The following TMEM229B variants were observed in gnomAD, a reference collection of about 807,000 sequenced individuals.
TMEM229B encodes transmembrane protein 229B, also known as chromosome 14 open reading frame 83.
A neutral mutation model predicts 13.7 loss-of-function variants in TMEM229B; 6 were observed. That is an observed-to-expected ratio of 0.44 (90% CI 0.24 to 0.86). The LOEUF (loss-of-function observed/expected upper bound fraction) is 0.86. TMEM229B is among the 40% of genes least tolerant of loss of function. The pLI is 0.23. For synonymous variants in TMEM229B, 107 were observed against 102.1 expected, an observed-to-expected ratio of 1.05 and a Z score of -0.29; for missense variants, 170 against 236.0, an observed-to-expected ratio of 0.72 and a Z score of 1.83.
At position 67,473,265 on chromosome 14, in the gene TMEM229B, G is replaced by A; in HGVS notation, c.*155C>T. 3 of 1,020,246 alleles carry A rather than the reference G, an allele frequency of 2.9e-6. No individual in the cohort carries two copies. The South Asian group carries it at 4.9e-5, about 17-fold the overall frequency. The allele number at this position is 1,020,246 out of a possible 1,614,324, so 63.2% of individuals were successfully genotyped here. On this transcript the variant is annotated 3_prime_UTR_variant, in exon 3 of 3. Coordinates refer to ENST00000554480, the MANE Select transcript of TMEM229B (RefSeq NM_001348543.2). This position sits in a 1 kb window ranked among gnomAD's most constrained non-coding sequence, Gnocchi z 6.5. ...CACCTGACCACGGCCCCCCAACACC[G>A]GCCCCCGCGGACGTTAGGGGGCTCT...
At position 67,473,248 on chromosome 14, in the gene TMEM229B, C is replaced by T. The variant is rs2030889131; in HGVS notation, c.*172G>A. ...CACACCCCATCCCCCAACACCTGAC[C>T]ACGGCCCCCCAACACCGGCCCCCGC... On this transcript the variant is annotated 3_prime_UTR_variant, in exon 3 of 3. Coordinates refer to ENST00000554480, the MANE Select transcript of TMEM229B (RefSeq NM_001348543.2). The surrounding 1 kb of genome is among the most constrained non-coding windows in gnomAD (Gnocchi z 6.5). 1.2e-6 allele frequency: 1 copy of T among 852,572 alleles called. No individual in the cohort carries two copies. Among genetic ancestry groups the T allele is most frequent in the Non-Finnish European group, 1.8e-6 (1 of 563,948 alleles). The allele number at this position is 852,572 out of a possible 1,614,324, so 52.8% of individuals were successfully genotyped here.
At chr14:67,502,833 T>C (rs11622608) in intron 1 of TMEM229B, among the ~76,000 whole-genome samples, 110,727 of 152,036 alleles carry the variant, frequency 0.73, 42,149 homozygotes, top group Non-Finnish European at 0.85. Context: ...ACCAACCAAC[T>C]TTATTAAATA....
chr14:67,512,938 C>A (rs1189127939), intron 1 of TMEM229B, among the ~76,000 whole-genome samples: 1 of 152,172 alleles, frequency 6.6e-6, no homozygotes, highest in Non-Finnish European at 1.5e-5. Flanking sequence ...GTAATTTGGT[C>A]CCTTCCTGTA....
At chr14:67,504,793 G>A (rs572605642) in intron 1 of TMEM229B, among the ~76,000 whole-genome samples, 2 of 152,258 alleles carry the variant, frequency 1.3e-5, no homozygotes, top group Admixed American at 1.3e-4. Context: ...TCTGAGGCAG[G>A]AGAATCTCTT....
chr14:67,505,708 C>T (rs1224008055), intron 1 of TMEM229B, among the ~76,000 whole-genome samples: 2 of 99,934 alleles, frequency 2.0e-5, no homozygotes, highest in Non-Finnish European at 4.8e-5. Context: ...GGATAATTTG[C>T]TCTTTTTTTT....
chr14:67,516,604 C>A (rs145561734), upstream of TMEM229B, among the ~76,000 whole-genome samples: 213 of 148,368 alleles, frequency 1.4e-3, 1 homozygote, highest in African/African-American at 5.1e-3. Context: ...AATACCTAAC[C>A]CTAATCTGAT....
chr14:67,509,962 A>G (rs1357154075), intron 1 of TMEM229B, among the ~76,000 whole-genome samples: 2 of 152,158 alleles, frequency 1.3e-5, no homozygotes, highest in Non-Finnish European at 2.9e-5. Flanking sequence ...GTGAGCTATG[A>G]TTGTGCCACT....
rs1442087157 is a variant in TMEM229B at position 67,472,412 on chromosome 14, G to C, written c.*1008C>G. Reference sequence around the variant, plus strand: ...TCCCCACCAAACTGACTTGCCTCTAGGTCCCCACTGTGGATCCACAGGGCC... The same window carrying C: ...TCCCCACCAAACTGACTTGCCTCTACGTCCCCACTGTGGATCCACAGGGCC... On this transcript the variant is annotated 3_prime_UTR_variant, in exon 3 of 3. Transcript: ENST00000554480. The C allele has an allele frequency of 6.6e-6, 1 of 152,376 alleles. No individual in the cohort carries two copies. Among genetic ancestry groups the C allele is most frequent in the Admixed American group, 6.5e-5 (1 of 15,284 alleles). 9.4% of individuals were successfully genotyped at this position (152,376 alleles called of 1,614,324 possible). A position where few individuals can be genotyped will look rare whatever the true frequency, so the allele number is the denominator to read the frequency against.
At chr14:67,478,245 C>A (rs1482366571) in intron 2 of TMEM229B, among the ~76,000 whole-genome samples, 2 of 152,230 alleles carry the variant, frequency 1.3e-5, no homozygotes, top group Non-Finnish European at 2.9e-5. Context: ...CTGAGCAAGG[C>A]TAGCTGTACA....
At chr14:67,513,628 A>G (rs769926147) in intron 1 of TMEM229B, among the ~76,000 whole-genome samples, 10 of 152,154 alleles carry the variant, frequency 6.6e-5, no homozygotes, top group Non-Finnish European at 1.2e-4. Context: ...GTGTCTCTAG[A>G]GCAAAGTGTC....
intron 1 of TMEM229B, among the ~76,000 whole-genome samples, chr14:67,532,446 G>T (rs748252880): frequency 6.6e-6 from 1 of 152,130 alleles, no homozygotes; most frequent in Non-Finnish European, 1.5e-5. Context: ...GCCAAATGTT[G>T]AGTTTTCCAA....
intron 2 of TMEM229B, among the ~76,000 whole-genome samples, chr14:67,480,760 CA>C (rs2031537959): frequency 6.6e-6 from 1 of 152,182 alleles, no homozygotes; most frequent in Non-Finnish European, 1.5e-5. Flanking sequence ...GTGTGGATCT[CA>C]TTACTCAGGC....
At chr14:67,483,406 GC>G (rs1172637693) in intron 2 of TMEM229B, among the ~76,000 whole-genome samples, 2 of 152,148 alleles carry the variant, frequency 1.3e-5, no homozygotes, top group East Asian at 1.9e-4. Flanking sequence ...ACACTGCACT[GC>G]CCCCGAGGCT....
At chr14:67,475,166 TG>T (rs1292022336) in intron 2 of TMEM229B, among the ~76,000 whole-genome samples, 2 of 152,208 alleles carry the variant, frequency 1.3e-5, no homozygotes, top group Admixed American at 1.3e-4. Context: ...CCGCCCGCCT[TG>T]GCCTCCCAAA....
At chr14:67,492,170 G>A (rs1013699893), upstream of TMEM229B, among the ~76,000 whole-genome samples, 3 of 151,576 alleles carry the variant, frequency 2.0e-5, no homozygotes, top group Non-Finnish European at 2.9e-5. Flanking sequence ...CAACTCCATC[G>A]CCTTGGAGGG....
chr14:67,522,992 C>G (rs1397246380), intron 1 of TMEM229B, among the ~76,000 whole-genome samples: 1 of 152,196 alleles, frequency 6.6e-6, no homozygotes, highest in Admixed American at 6.5e-5. Flanking sequence ...CTTCTCTTGC[C>G]TAGTACTGTG....
chr14:67,473,515 G>T lies in TMEM229B; in HGVS notation c.409C>A (p.Arg137Ser). The T allele has an allele frequency of 6.2e-7, 1 of 1,614,158 alleles. No homozygotes were observed. The highest frequency in any genetic ancestry group is 8.5e-7 in the Non-Finnish European group (1 of 1,180,018). The change falls in exon 3 of 3, where the codon CGC (arginine) becomes AGC (serine). Residue 137 changes from arginine to serine, a missense_variant. This residue lies in a region of TMEM229B where 70 missense variants were observed against 60.9 expected (regional missense o/e 1.15). Coordinates refer to ENST00000554480, the MANE Select transcript of TMEM229B (RefSeq NM_001348543.2). The surrounding 1 kb of genome is among the most constrained non-coding windows in gnomAD (Gnocchi z 6.5). ...TCGAAGCGGAGGCGGAGGGTGTTGC[G>T]GATGATGAACTGCTCCATGATGAGG... ...GALIMEQFII[R>S]NTLRLRFDKD...
intron 2 of TMEM229B, among the ~76,000 whole-genome samples, chr14:67,484,010 G>A (rs1443057991): frequency 2.0e-5 from 3 of 152,162 alleles, no homozygotes; most frequent in Non-Finnish European, 2.9e-5. Context: ...CTGGCAGGCT[G>A]GCATCCCAGA....
chr14:67,486,812 C>G (rs1039328814), intron 2 of TMEM229B, among the ~76,000 whole-genome samples, 188 bp downstream of exon 2: 3 of 152,180 alleles, frequency 2.0e-5, no homozygotes, highest in African/African-American at 7.2e-5. Context: ...GCCATGTGGC[C>G]ATAAGACGGC....
Sources: allele counts gnomAD v4.1 joint callset (sites outside exome capture counted in the v4.1 genomes callset), GRCh38; gene constraint gnomAD v4.1.1; regional missense constraint gnomAD v4.1.1; non-coding constraint Gnocchi (gnomAD v3.1); transcripts MANE v1.5; gene names NCBI Gene and HGNC (gene_info 2026-07-23, HGNC 2026-07-21).